Variants in AZIN2 observed in about 807,000 individuals in gnomAD.
The protein encoded by AZIN2 is ODC antizyme inhibitor-2.
In AZIN2, 28 loss-of-function variants were observed where a neutral mutation model predicts 47.8. The ratio of observed to expected loss-of-function variants is 0.59; its 90% confidence interval spans 0.43 to 0.80. The LOEUF is 0.80. AZIN2 is among the 30% of genes least tolerant of loss of function. AZIN2 has a pLI of 0.00. For synonymous variants in AZIN2, 221 were observed against 239.4 expected, an observed-to-expected ratio of 0.92 and a Z score of 0.71; for missense variants, 535 against 582.5, an observed-to-expected ratio of 0.92 and a Z score of 0.84.
intron 9 of AZIN2, chr1:33,097,091 C>T (rs569968376): frequency 4.9e-5 from 28 of 575,664 alleles, no homozygotes; most frequent in African/African-American, 3.6e-4. Context: ...AGATTGAGAG[C>T]AAAACAACCT....
chr1:33,153,355 C>A, the AZIN2 span, among the ~76,000 whole-genome samples: 1 of 152,228 alleles, frequency 6.6e-6, no homozygotes, highest in South Asian at 2.1e-4. Context: ...CTGTTCCTCC[C>A]TCAGCTCCTC....
chr1:33,099,303 C>T lies in AZIN2; in HGVS notation c.1029+1124C>T, dbSNP rs142152129. Among the ~76,000 whole-genome samples the T allele has an allele frequency of 5.8e-3, 886 of 152,192 alleles. 38 individuals are homozygous for T. Among genetic ancestry groups the T allele is most frequent in the Admixed American group, 0.053 (808 of 15,284 alleles). ...TCCCTCCCTCCTTCCTCCAGGTACCCAGGCACCCTAGATGTGCTTGATGGA... is the reference window on the plus strand; with the variant it reads ...TCCCTCCCTCCTTCCTCCAGGTACCTAGGCACCCTAGATGTGCTTGATGGA... On this transcript the variant is annotated intron_variant, in intron 10 of 11. Transcript: ENST00000294517.
the AZIN2 span, chr1:33,164,491 T>C: frequency 6.6e-6 from 1 of 152,422 alleles, no homozygotes; most frequent in Admixed American, 6.5e-5. Context: ...ATGGGAAGGC[T>C]GGGGACCCAG....
Position 33,120,917 on chromosome 1 carries a change from AC to A in AZIN2, c.*738del, listed in dbSNP as rs1038455257. Among the ~76,000 whole-genome samples the A allele has an allele frequency of 3.3e-5, 5 of 152,278 alleles. No homozygotes were observed. Among genetic ancestry groups the A allele is most frequent in the African/African-American group, 1.2e-4 (5 of 41,554 alleles). On this transcript the variant is annotated 3_prime_UTR_variant, in exon 12 of 12. Transcript: ENST00000294517. ...TGGGTGTGTGGGAGGTTTTGAGTGG[AC>A]CCTGCACCCTTGCTCTCCCTGCAGG...
rs574704832 is a variant in AZIN2, at chr1:33,121,951, G to T, written c.*1769G>T. 6.6e-6 allele frequency among the ~76,000 whole-genome samples: 1 copy of T among 152,256 alleles called. No homozygotes were observed. Among genetic ancestry groups the T allele is most frequent in the East Asian group, 1.9e-4 (1 of 5,178 alleles). On this transcript the variant is annotated 3_prime_UTR_variant, in exon 12 of 12. Transcript: ENST00000294517. ...AGCCAGGGGTGTCTCCCTTTTCCAG[G>T]TGGGATCTAGTTTTCGGTATCTTGA...
intron 5 of AZIN2, among the ~76,000 whole-genome samples, chr1:33,089,268 G>C (rs1165862482): frequency 1.3e-5 from 2 of 152,140 alleles, no homozygotes; most frequent in African/African-American, 4.8e-5. Flanking sequence ...GACTGGCATA[G>C]GATATGCCTT....
At chr1:33,141,510 CAT>C in the AZIN2 span, among the ~76,000 whole-genome samples, 900 of 152,308 alleles carry the variant, frequency 5.9e-3, 11 homozygotes, top group African/African-American at 0.02. Flanking sequence ...GATTCGATCA[CAT>C]CTAGTCTCAC....
the AZIN2 span, among the ~76,000 whole-genome samples, chr1:33,140,848 G>A: frequency 2.0e-5 from 3 of 152,172 alleles, no homozygotes; most frequent in Non-Finnish European, 4.4e-5. The surrounding 1 kb of genome is among the most constrained non-coding windows in gnomAD (Gnocchi z 4.0). Context: ...CCTGGTGCCT[G>A]GGGTTGTTGG....
At chr1:33,133,312 A>T in the AZIN2 span, among the ~76,000 whole-genome samples, 1 of 152,016 alleles carries the variant, frequency 6.6e-6, no homozygotes, top group South Asian at 2.1e-4. Context: ...GAGGAAGGAG[A>T]GTTTCTCTTT....
chr1:33,094,748 T>C (rs1642958616), intron 8 of AZIN2, 35 bp downstream of exon 8: 3 of 1,609,230 alleles, frequency 1.9e-6, no homozygotes, highest in Non-Finnish European at 2.5e-6. Flanking sequence ...TGCTGGGCTC[T>C]ATGGCGGGGA....
At chr1:33,116,767 T>G (rs902158442) in intron 10 of AZIN2, among the ~76,000 whole-genome samples, 3 of 152,220 alleles carry the variant, frequency 2.0e-5, no homozygotes, top group African/African-American at 7.2e-5. Flanking sequence ...GAAGCCATTT[T>G]AGCTGAGATC....
the AZIN2 span, chr1:33,146,932 A>G: frequency 1.8e-6 from 1 of 544,856 alleles, no homozygotes. Flanking sequence ...AGGAGAAGCC[A>G]TGTCACATCC....
downstream of AZIN2, among the ~76,000 whole-genome samples, chr1:33,128,490 G>A (rs372275511): frequency 6.6e-6 from 1 of 152,224 alleles, no homozygotes; most frequent in Non-Finnish European, 1.5e-5. Context: ...TGAGGCTTAC[G>A]TATGAAGTAA....
intron 10 of AZIN2, among the ~76,000 whole-genome samples, chr1:33,107,012 C>A (rs535584503): frequency 6.6e-6 from 1 of 152,182 alleles, no homozygotes; most frequent in East Asian, 1.9e-4. Context: ...TAAGGCTTGG[C>A]GTGGTGGCTC....
the AZIN2 span, among the ~76,000 whole-genome samples, chr1:33,149,603 C>T: frequency 6.6e-6 from 1 of 151,662 alleles, no homozygotes; most frequent in Non-Finnish European, 1.5e-5. Flanking sequence ...TATAGGCATG[C>T]ATCACTATGC....
In AZIN2 at chr1:33,122,232, G is replaced by A. The variant is rs1203261188; in HGVS notation, c.*2050G>A. On this transcript the variant is annotated 3_prime_UTR_variant, in exon 12 of 12. Transcript: ENST00000294517. ...GGAATCCTGGGAAGATCTCATGGCT[G>A]GCTACAGTGAGACCCAGGTGTAGCT... Among the ~76,000 whole-genome samples the A allele has an allele frequency of 6.6e-6, 1 of 152,170 alleles. No homozygotes were observed. Among genetic ancestry groups the A allele is most frequent in the Non-Finnish European group, 1.5e-5 (1 of 68,028 alleles).
the AZIN2 span, among the ~76,000 whole-genome samples, chr1:33,143,620 C>T: frequency 1.3e-5 from 2 of 152,188 alleles, no homozygotes; most frequent in African/African-American, 4.8e-5. Flanking sequence ...GAGTCAATGA[C>T]TGGGGTGGTT....
chr1:33,128,190 C>A (rs577103544), downstream of AZIN2, among the ~76,000 whole-genome samples: 1 of 143,228 alleles, frequency 7.0e-6, no homozygotes, highest in African/African-American at 2.7e-5. Context: ...AATAGTGAAA[C>A]TCCCCACCTC....
At chr1:33,085,563 C>T (rs1641793284) in intron 5 of AZIN2, among the ~76,000 whole-genome samples, 1 of 152,082 alleles carries the variant, frequency 6.6e-6, no homozygotes. Flanking sequence ...CGTAATATGG[C>T]TGGATGTTGT....
Sources: gnomAD v4.1 joint callset for allele counts (sites outside exome capture counted in the v4.1 genomes callset) on GRCh38, gnomAD v4.1.1 for gene constraint, Gnocchi (gnomAD v3.1) non-coding constraint, MANE v1.5 for transcripts, NCBI Gene and HGNC (gene_info 2026-07-23, HGNC 2026-07-21) for gene names.